The following NUDT7 variants were observed in gnomAD, a reference collection of about 807,000 sequenced individuals.
NUDT7 encodes the protein peroxisomal coenzyme A diphosphatase NUDT7.
A neutral mutation model predicts 13.1 loss-of-function variants in NUDT7; 19 were observed. That is an observed-to-expected ratio of 1.45 (90% CI 1.01 to 2.13). NUDT7 has a LOEUF of 2.13. Ranked by LOEUF, NUDT7 falls within the 30% of genes most tolerant of loss-of-function variation. The pLI, the probability that NUDT7 is intolerant of heterozygous loss-of-function variation, is 0.00. For missense variants in NUDT7, 360 were observed against 291.7 expected, an observed-to-expected ratio of 1.23 and a Z score of -1.71; for synonymous variants, 132 against 109.7, an observed-to-expected ratio of 1.20 and a Z score of -1.27.
chr16:77,733,161 A>G (rs1237542978), intron 2 of NUDT7, among the ~76,000 whole-genome samples: 1 of 152,230 alleles, frequency 6.6e-6, no homozygotes, highest in Non-Finnish European at 1.5e-5. Context: ...GCTGAAGCCT[A>G]TAAAATATCA....
In NUDT7 at chr16:77,739,380, A is replaced by G. The variant is rs146176994; in HGVS notation, c.349-2202A>G. ...GGGATGGGCAATTCCCAGAGGTGAG[A>G]GTTCCTCCCATTTTTAGACCATGTA... On this transcript the variant is annotated intron_variant, in intron 3 of 3. Coordinates refer to ENST00000268533, the MANE Select transcript of NUDT7 (RefSeq NM_001105663.3). Among the ~76,000 whole-genome samples the G allele has an allele frequency of 1.2e-3, 176 of 152,284 alleles. 2 individuals are homozygous for G. Among genetic ancestry groups the G allele is most frequent in the African/African-American group, 4.0e-3 (167 of 41,566 alleles).
At chr16:77,736,634 A>C (rs941678398) in intron 3 of NUDT7, 22 of 216,142 alleles carry the variant, frequency 1.0e-4, no homozygotes, top group African/African-American at 1.7e-4. Flanking sequence ...TTTCTTTTTT[A>C]TTTTTTTTTT....
chr16:77,735,137 CA>C (rs1335878667), intron 2 of NUDT7, among the ~76,000 whole-genome samples: 2 of 152,076 alleles, frequency 1.3e-5, no homozygotes, highest in Non-Finnish European at 2.9e-5. Flanking sequence ...TTGCCCCTTA[CA>C]TTATTCTTTC....
chr16:77,724,791 G>C (rs2014078036), intron 1 of NUDT7, among the ~76,000 whole-genome samples: 1 of 152,176 alleles, frequency 6.6e-6, no homozygotes, highest in African/African-American at 2.4e-5. Flanking sequence ...ACCATTTGCG[G>C]TTTTAAATCC....
In NUDT7 at chr16:77,739,481, G is replaced by A. The variant is rs2014590947; in HGVS notation, c.349-2101G>A. ...TGGGAGTATCTTTTAACATTCTAAT[G>A]CTTTCTAATTATCGTATAATGAGCA... On this transcript the variant is annotated intron_variant, in intron 3 of 3. Coordinates refer to ENST00000268533, the MANE Select transcript of NUDT7 (RefSeq NM_001105663.3). Among the ~76,000 whole-genome samples the A allele has an allele frequency of 2.0e-5, 3 of 152,132 alleles. No individual in the cohort carries two copies. In the South Asian group the frequency reaches 6.2e-4, roughly 32 times the overall value.
At chr16:77,722,739 C>T in intron 1 of NUDT7, 122 bp downstream of exon 1, 2 of 912,426 alleles carry the variant, frequency 2.2e-6, no homozygotes, top group Non-Finnish European at 3.5e-6. Flanking sequence ...CACCTGCGAG[C>T]GCCGGATGGG....
intron 3 of NUDT7, among the ~76,000 whole-genome samples, chr16:77,740,523 C>T (rs1208785060): frequency 6.6e-6 from 1 of 152,062 alleles, no homozygotes; most frequent in East Asian, 1.9e-4. Context: ...CACTCATGTT[C>T]ATTTGCTTTT....
At chr16:77,723,306 C>CCAG (rs2014022907) in intron 1 of NUDT7, among the ~76,000 whole-genome samples, 1 of 152,194 alleles carries the variant, frequency 6.6e-6, no homozygotes, top group South Asian at 2.1e-4. Context: ...AATCCCTGTG[C>CCAG]CAGCATTCAC....
At position 77,741,990 on chromosome 16, in the gene NUDT7, C is replaced by T. The variant is rs778277632; in HGVS notation, c.*40C>T. ...AGACAAAGAACTATTCACGAGGATT[C>T]TGTGTGTGCTTATTCGTAGAACAAC... On this transcript the variant is annotated 3_prime_UTR_variant, in exon 4 of 4. Transcript: ENST00000268533. 2.0e-6 allele frequency: 3 copies of T among 1,521,952 alleles called. No homozygotes were observed. The highest frequency in any genetic ancestry group is 2.6e-6 in the Non-Finnish European group (3 of 1,142,298). The allele number at this position is 1,521,952 out of a possible 1,614,324, so 94.3% of individuals were successfully genotyped here. A position where few individuals can be genotyped will look rare whatever the true frequency, so the allele number is the denominator to read the frequency against.
intron 2 of NUDT7, among the ~76,000 whole-genome samples, chr16:77,735,204 G>C (rs2014438801): frequency 6.6e-6 from 1 of 151,972 alleles, no homozygotes; most frequent in Admixed American, 6.6e-5. Context: ...TTTGGATCCT[G>C]TCCCCACCCA....
Sources: gnomAD v4.1 joint callset for allele counts (sites outside exome capture counted in the v4.1 genomes callset) on GRCh38, gnomAD v4.1.1 for gene constraint, MANE v1.5 for transcripts, NCBI Gene and HGNC (gene_info 2026-07-23, HGNC 2026-07-21) for gene names.